PCDHGA6: variants seen among roughly 807,000 people sequenced by gnomAD.
The protein encoded by PCDHGA6 is protocadherin gamma-A6.
Under a neutral mutation model 60.6 loss-of-function variants are expected in PCDHGA6, and 41 were observed. That is an observed-to-expected ratio of 0.68 (90% CI 0.53 to 0.88). PCDHGA6 has a LOEUF of 0.88. PCDHGA6 is among the 40% of genes least tolerant of loss of function. The pLI, the probability that PCDHGA6 is intolerant of heterozygous loss-of-function variation, is 0.00. For missense variants in PCDHGA6, 1,312 were observed against 1,203.0 expected, an observed-to-expected ratio of 1.09 and a Z score of -1.34; for synonymous variants, 594 against 524.4, an observed-to-expected ratio of 1.13 and a Z score of -1.81.
chr5:141,405,149 G>T (rs1469979881), intron 1 of PCDHGA6: 4 of 1,614,038 alleles, frequency 2.5e-6, no homozygotes, highest in Non-Finnish European at 3.4e-6. Context: ...TGATGGGTTG[G>T]CTGGTGTGCC....
chr5:141,508,829 C>G (rs370074494), intron 3 of PCDHGA6, among the ~76,000 whole-genome samples: 10 of 152,240 alleles, frequency 6.6e-5, no homozygotes, highest in Middle Eastern at 3.4e-3. Context: ...TCTGGGCCCC[C>G]CTCCCCTACC....
intron 1 of PCDHGA6, among the ~76,000 whole-genome samples, chr5:141,435,783 G>A (rs1273339025): frequency 6.6e-6 from 1 of 152,124 alleles, no homozygotes; most frequent in Non-Finnish European, 1.5e-5. Context: ...TAAAGGTGCA[G>A]GGAAACATAA....
chr5:141,392,299 T>C (rs1165805349), intron 1 of PCDHGA6: 1 of 151,994 alleles, frequency 6.6e-6, no homozygotes, highest in African/African-American at 2.4e-5. Flanking sequence ...GAAATGAAAG[T>C]ATCATGTTTT....
At chr5:141,422,638 T>C (rs1412270971) in intron 1 of PCDHGA6, 1 of 1,612,392 alleles carries the variant, frequency 6.2e-7, no homozygotes, top group Non-Finnish European at 8.5e-7. Context: ...CAGGGGTGCC[T>C]CCATCTTCTC....
chr5:141,496,554 G>T (rs2099769470), intron 2 of PCDHGA6, among the ~76,000 whole-genome samples: 1 of 152,160 alleles, frequency 6.6e-6, no homozygotes, highest in Non-Finnish European at 1.5e-5. Context: ...TTCTGGGCAT[G>T]CACAGTCCTG....
chr5:141,388,043 C>T (rs952133270), intron 1 of PCDHGA6: 6 of 1,412,324 alleles, frequency 4.2e-6, no homozygotes, highest in Middle Eastern at 5.0e-4. Flanking sequence ...TCGCCACGGA[C>T]CTGGGGTTCA....
intron 2 of PCDHGA6, among the ~76,000 whole-genome samples, chr5:141,501,015 C>T (rs950216755): frequency 6.6e-5 from 10 of 151,866 alleles, no homozygotes; most frequent in African/African-American, 2.4e-4. Context: ...ACTACAGGCA[C>T]GCGCCACCAC....
At position 141,432,069 on chromosome 5, in the gene PCDHGA6, A is replaced by G. The variant is rs572724741; in HGVS notation, c.2424+55562A>G. On this transcript the variant is annotated intron_variant, in intron 1 of 3. Transcript: ENST00000517434. The surrounding 1 kb of genome is among the most constrained non-coding windows in gnomAD (Gnocchi z 6.0). ...ACCCCGCCCCTATCCACGGAAACTC[A>G]TATCTCGCTGAACGTGGCAGACACC... 646 of 1,614,168 alleles carry G rather than the reference A, an allele frequency of 4.0e-4. 5 individuals are homozygous for G. In the South Asian group the frequency reaches 6.9e-3, roughly 17 times the overall value.
intron 1 of PCDHGA6, among the ~76,000 whole-genome samples, chr5:141,446,381 T>C (rs1225260527): frequency 1.3e-5 from 2 of 152,248 alleles, no homozygotes; most frequent in Non-Finnish European, 2.9e-5. Flanking sequence ...TAAAGAATGA[T>C]AGATTTAAGA....
chr5:141,478,394 G>A, intron 1 of PCDHGA6: 1 of 1,613,586 alleles, frequency 6.2e-7, no homozygotes, highest in Non-Finnish European at 8.5e-7. Context: ...TTACCATCAG[G>A]TGTATCTCAC....
At chr5:141,420,945 G>C in intron 1 of PCDHGA6, 1 of 396,520 alleles carries the variant, frequency 2.5e-6, no homozygotes, top group South Asian at 5.1e-5. Flanking sequence ...ATTTCTTCTG[G>C]AATTTCTTAG....
chr5:141,378,838 G>A (rs1352949775), intron 1 of PCDHGA6: 5 of 152,196 alleles, frequency 3.3e-5, no homozygotes, highest in Non-Finnish European at 1.5e-5. Flanking sequence ...GAAAACAGCA[G>A]AGTTTTTGAC....
At chr5:141,470,252 C>T (rs1010559144) in intron 1 of PCDHGA6, among the ~76,000 whole-genome samples, 3 of 152,160 alleles carry the variant, frequency 2.0e-5, no homozygotes, top group Admixed American at 1.3e-4. Context: ...TCCCACCTGT[C>T]TAAATGGAGA....
intron 1 of PCDHGA6, chr5:141,399,816 G>A: frequency 1.2e-6 from 2 of 1,613,196 alleles, no homozygotes; most frequent in Non-Finnish European, 1.7e-6. Context: ...ACCCCGCGCT[G>A]GGTCCCGACG....
chr5:141,468,351 A>T (rs1030472813), intron 1 of PCDHGA6: 1 of 149,190 alleles, frequency 6.7e-6, no homozygotes, highest in East Asian at 2.0e-4. Flanking sequence ...AAAAAAAAAG[A>T]AAGAAAAAAG....
At chr5:141,484,863 G>T (rs561595169) in intron 1 of PCDHGA6, 136 of 273,782 alleles carry the variant, frequency 5.0e-4, no homozygotes, top group African/African-American at 2.8e-3. Context: ...GGGGGTGGGG[G>T]AGCGTGGAGG....
intron 1 of PCDHGA6, chr5:141,440,995 C>G (rs1425894086): frequency 6.6e-6 from 1 of 152,154 alleles, no homozygotes; most frequent in Non-Finnish European, 1.5e-5. Context: ...GTACCCATAT[C>G]TAGTTTGGCC....
In PCDHGA6 at chr5:141,510,976, G is replaced by A. The variant is rs752758180; in HGVS notation, c.2602G>A (p.Gly868Arg). The change falls in exon 4 of 4, where the codon GGG (glycine) becomes AGG (arginine). Residue 868 changes from glycine to arginine, a missense_variant. Gly to Arg is a moderately radical substitution (Grantham distance 125, BLOSUM62 -2). Transcript: ENST00000517434. ...EAADGSSTLG[G>R]GAGTMGLSAR... ...TGCTGATGGGAGCTCCACCCTGGGA[G>A]GGGGTGCCGGCACCATGGGATTGAG... The A allele has an allele frequency of 5.0e-6, 8 of 1,614,046 alleles. No individual in the cohort carries two copies. The highest frequency in any genetic ancestry group is 6.8e-6 in the Non-Finnish European group (8 of 1,180,022).
intron 1 of PCDHGA6, chr5:141,404,548 G>C (rs761765539): frequency 1.2e-5 from 20 of 1,613,740 alleles, no homozygotes. Context: ...AAATGCAGGT[G>C]ACGGCAAGTG....
Sources: gnomAD v4.1 joint callset for allele counts (sites outside exome capture counted in the v4.1 genomes callset) on GRCh38, gnomAD v4.1.1 for gene constraint, Gnocchi (gnomAD v3.1) non-coding constraint, MANE v1.5 for transcripts, NCBI Gene and HGNC (gene_info 2026-07-23, HGNC 2026-07-21) for gene names.